Variants in CNTNAP5 observed in about 807,000 individuals in gnomAD.
CNTNAP5 encodes the protein contactin associated protein family member 5.
Under a neutral mutation model 150.2 loss-of-function variants are expected in CNTNAP5, and 72 were observed. That is an observed-to-expected ratio of 0.48 (90% CI 0.40 to 0.58). The LOEUF is 0.58. CNTNAP5 is among the 20% of genes least tolerant of loss of function. CNTNAP5 has a pLI of 0.00. For missense variants in CNTNAP5, 1,636 were observed against 1,626.2 expected (o/e 1.01, Z -0.10); for synonymous variants, 672 against 619.8 (o/e 1.08, Z -1.25).
intron 3 of CNTNAP5, among the ~76,000 whole-genome samples, chr2:124,378,050 C>T (rs1690696316): frequency 6.6e-6 from 1 of 152,040 alleles, no homozygotes; most frequent in African/African-American, 2.4e-5. Context: ...CTCATTTTGG[C>T]ACCATTGCAC....
chr2:124,199,169 T>A (rs1295192353), intron 1 of CNTNAP5, among the ~76,000 whole-genome samples: 1 of 152,092 alleles, frequency 6.6e-6, no homozygotes, highest in Non-Finnish European at 1.5e-5. Flanking sequence ...AGCTTGTCAT[T>A]GTTAAAGGGA....
intron 3 of CNTNAP5, among the ~76,000 whole-genome samples, chr2:124,297,816 A>G (rs1215980341): frequency 8.8e-5 from 2 of 22,742 alleles, no homozygotes; most frequent in African/African-American, 4.9e-4. Flanking sequence ...ATTATTTATT[A>G]TTATTATTAT....
intron 3 of CNTNAP5, among the ~76,000 whole-genome samples, chr2:124,361,864 T>C (rs1034189263): frequency 6.6e-6 from 1 of 152,150 alleles, no homozygotes; most frequent in Non-Finnish European, 1.5e-5. Flanking sequence ...GCTGCTTTGT[T>C]TACCTAAGCA....
intron 13 of CNTNAP5, among the ~76,000 whole-genome samples, chr2:124,713,239 CTTTCTCTT>C (rs1218854241): frequency 1.7e-5 from 1 of 57,382 alleles, no homozygotes; most frequent in Non-Finnish European, 3.6e-5. Flanking sequence ...TTCTTTCTTT[CTTTCTCTT>C]TCTTTCTTTC....
At chr2:124,765,931 G>T (rs1681059031) in intron 16 of CNTNAP5, among the ~76,000 whole-genome samples, 1 of 151,818 alleles carries the variant, frequency 6.6e-6, no homozygotes, top group Admixed American at 6.6e-5. Context: ...ACCCCAGCCT[G>T]GGTAACAAGA....
chr2:124,626,055 T>C (rs1422122174), intron 12 of CNTNAP5, among the ~76,000 whole-genome samples: 1 of 152,098 alleles, frequency 6.6e-6, no homozygotes, highest in Admixed American at 6.5e-5. Flanking sequence ...ACACACCCAG[T>C]ACAATATCTG....
At chr2:124,331,768 G>A (rs1689354141) in intron 3 of CNTNAP5, among the ~76,000 whole-genome samples, 1 of 151,898 alleles carries the variant, frequency 6.6e-6, no homozygotes, top group Admixed American at 6.6e-5. Flanking sequence ...CATTTTTACA[G>A]CTAATCAGAA....
At chr2:124,895,993 A>G (rs1678296594) in intron 21 of CNTNAP5, among the ~76,000 whole-genome samples, 1 of 151,548 alleles carries the variant, frequency 6.6e-6, no homozygotes, top group Non-Finnish European at 1.5e-5. Context: ...GTCACTGTAA[A>G]CAGAACAGAC....
rs1677596584 is a variant in CNTNAP5, at chr2:124,620,763, ACACACACACACAT to A, written c.1876+10844_1876+10856del. Reference sequence around the variant, plus strand: ...CACACATGCACACACACACACACACACACACACACACATATATATGCAAACTTTCTAGCCTTAA... The same window carrying A: ...CACACATGCACACACACACACACACAATATATGCAAACTTTCTAGCCTTAA... On this transcript the variant is annotated intron_variant, in intron 12 of 23. Transcript: ENST00000682447. 2.0e-5 allele frequency among the ~76,000 whole-genome samples: 3 copies of A among 151,988 alleles called. No homozygotes were observed. In the South Asian group the frequency reaches 6.2e-4, roughly 32 times the overall value.
chr2:124,911,622 A>G (rs1678657203), intron 23 of CNTNAP5, 84 bp downstream of exon 23: 1 of 1,092,142 alleles, frequency 9.2e-7, no homozygotes, highest in Non-Finnish European at 1.4e-6. Flanking sequence ...TTCCTTAATT[A>G]TGGCCATCCA....
At chr2:124,032,926 G>A (rs1015180750) in intron 1 of CNTNAP5, among the ~76,000 whole-genome samples, 2 of 152,160 alleles carry the variant, frequency 1.3e-5, no homozygotes, top group Admixed American at 6.5e-5. Flanking sequence ...TCAGCAGAGT[G>A]AGAACTAGTC....
At chr2:124,104,077 C>T (rs1573756028) in intron 1 of CNTNAP5, among the ~76,000 whole-genome samples, 1 of 148,982 alleles carries the variant, frequency 6.7e-6, no homozygotes, top group Middle Eastern at 3.6e-3. Flanking sequence ...GTATATAGTT[C>T]TCTCTTAACC....
chr2:124,768,862 G>C (rs546419367), intron 16 of CNTNAP5, among the ~76,000 whole-genome samples: 2 of 152,138 alleles, frequency 1.3e-5, no homozygotes, highest in African/African-American at 4.8e-5. Context: ...CAATACCACA[G>C]GTACTATTTT....
chr2:124,046,707 C>G (rs1328707366), intron 1 of CNTNAP5, among the ~76,000 whole-genome samples: 1 of 151,832 alleles, frequency 6.6e-6, no homozygotes, highest in African/African-American at 2.4e-5. Flanking sequence ...CATTTTCGTA[C>G]AAGAAAAGAA....
intron 1 of CNTNAP5, among the ~76,000 whole-genome samples, chr2:124,177,094 C>G (rs777178330): frequency 2.6e-5 from 4 of 152,046 alleles, no homozygotes; most frequent in Non-Finnish European, 5.9e-5. Context: ...GTGATCCGCT[C>G]GCCTTGGCCT....
chr2:124,223,821 G>C (rs545551504), intron 2 of CNTNAP5, among the ~76,000 whole-genome samples: 1 of 151,188 alleles, frequency 6.6e-6, no homozygotes, highest in Non-Finnish European at 1.5e-5. Context: ...CTTTTCTTCC[G>C]TTTCCCAACA....
chr2:124,853,140 T>G (rs533914322), intron 19 of CNTNAP5, among the ~76,000 whole-genome samples: 156 of 152,272 alleles, frequency 1.0e-3, no homozygotes, highest in African/African-American at 3.5e-3. Flanking sequence ...AAAGGGAGAA[T>G]GAGAGCGAAC....
At chr2:124,493,114 T>A (rs1207878756) in intron 7 of CNTNAP5, among the ~76,000 whole-genome samples, 1 of 152,072 alleles carries the variant, frequency 6.6e-6, no homozygotes, top group Non-Finnish European at 1.5e-5. Flanking sequence ...TATATGGTCT[T>A]ATATAGCCTT....
At chr2:124,285,566 G>A (rs570864530) in intron 3 of CNTNAP5, among the ~76,000 whole-genome samples, 14 of 152,058 alleles carry the variant, frequency 9.2e-5, no homozygotes, top group South Asian at 2.1e-4. Flanking sequence ...TTGGGAAGCC[G>A]AAGAGGTTGG....
Sources: allele counts gnomAD v4.1 joint callset (sites outside exome capture counted in the v4.1 genomes callset), GRCh38; gene constraint gnomAD v4.1.1; transcripts MANE v1.5; gene names NCBI Gene and HGNC (gene_info 2026-07-23, HGNC 2026-07-21).